ESR1: variants seen among roughly 807,000 people sequenced by gnomAD.
ESR1 encodes the protein estrogen receptor.
Under a neutral mutation model 52.7 loss-of-function variants are expected in ESR1, and 12 were observed. The ratio of observed to expected loss-of-function variants is 0.23; its 90% CI spans 0.15 to 0.37. The LOEUF (loss-of-function observed/expected upper bound fraction) is 0.37, where lower values mean the gene tolerates loss of function less well. ESR1 is among the 10% of genes least tolerant of loss of function. The pLI, the probability that ESR1 is intolerant of heterozygous loss-of-function variation, is 1.00. For missense variants in ESR1, 584 were observed against 779.7 expected (o/e 0.75, Z 2.99); for synonymous variants, 305 against 316.8 (o/e 0.96, Z 0.39).
At chr6:151,717,893 T>G (rs1167309116) in intron 2 of ESR1, among the ~76,000 whole-genome samples, 1 of 152,166 alleles carries the variant, frequency 6.6e-6, no homozygotes, top group Non-Finnish European at 1.5e-5. Context: ...AATACTAAAT[T>G]TATATGCTAT....
chr6:152,103,764 A>C (rs1041172637), downstream of ESR1, among the ~76,000 whole-genome samples: 2 of 152,140 alleles, frequency 1.3e-5, no homozygotes, highest in African/African-American at 2.4e-5. Flanking sequence ...CCTCTCCCTC[A>C]TTCTGAAGGT....
chr6:151,840,266 A>G (rs565435147), intron 1 of ESR1, among the ~76,000 whole-genome samples: 7 of 152,176 alleles, frequency 4.6e-5, no homozygotes, highest in Non-Finnish European at 8.8e-5. Flanking sequence ...TGAATCATGC[A>G]TAGGATATTA....
chr6:152,048,644 T>C (rs1304256271), intron 5 of ESR1, among the ~76,000 whole-genome samples: 2 of 152,152 alleles, frequency 1.3e-5, no homozygotes, highest in African/African-American at 4.8e-5. Flanking sequence ...GCCTCGAACA[T>C]AGGAGATTCC....
intron 4 of ESR1, among the ~76,000 whole-genome samples, chr6:151,998,240 G>T (rs1371613451): frequency 6.6e-6 from 1 of 152,046 alleles, no homozygotes; most frequent in Non-Finnish European, 1.5e-5. Flanking sequence ...GCAGTGGGGG[G>T]TATTAAATGG....
chr6:151,899,125 G>A (rs1485143151), intron 3 of ESR1, among the ~76,000 whole-genome samples: 5 of 142,352 alleles, frequency 3.5e-5, no homozygotes, highest in African/African-American at 1.3e-4. Context: ...CGGGCGGGGG[G>A]CTGACCCCCC....
At chr6:151,938,480 G>T (rs1000313822) in intron 3 of ESR1, among the ~76,000 whole-genome samples, 1 of 152,024 alleles carries the variant, frequency 6.6e-6, no homozygotes, top group African/African-American at 2.4e-5. Flanking sequence ...TTTATTTTAG[G>T]GCCAGGACAT....
rs568522394 is a variant in ESR1 at position 151,876,925 on chromosome 6, G to A, written c.644-3730G>A. On this transcript the variant is annotated intron_variant, in intron 2 of 7. Coordinates refer to ENST00000206249, the MANE Select transcript of ESR1 (RefSeq NM_000125.4). ...CCGGGCCTGCACAGAAGGACTTTTC[G>A]GGCCAGTCTGGTCACATACATCGAG... Among the ~76,000 whole-genome samples, 12 of 151,564 alleles carry A rather than the reference G, an allele frequency of 7.9e-5. No individual in the cohort carries two copies. The East Asian group carries it at 9.7e-4, about 12-fold the overall frequency.
intron 4 of ESR1, among the ~76,000 whole-genome samples, chr6:151,997,679 G>A (rs962522226): frequency 9.9e-5 from 15 of 152,158 alleles, no homozygotes; most frequent in African/African-American, 3.1e-4. Flanking sequence ...TTCCACTTTC[G>A]CCTCTTTCTT....
chr6:151,762,412 T>C (rs1037966988), intron 2 of ESR1, among the ~76,000 whole-genome samples: 2 of 152,158 alleles, frequency 1.3e-5, no homozygotes, highest in Non-Finnish European at 2.9e-5. Flanking sequence ...GCTGTTTGAT[T>C]ATTGGAGAGT....
chr6:151,796,270 A>C (rs1283441198), intron 2 of ESR1, among the ~76,000 whole-genome samples: 1 of 152,174 alleles, frequency 6.6e-6, no homozygotes, highest in Non-Finnish European at 1.5e-5. Context: ...ACAAAAAAAA[A>C]CACATGGCAC....
At chr6:151,667,670 G>A (rs1362569412) in intron 1 of ESR1, among the ~76,000 whole-genome samples, 1 of 152,226 alleles carries the variant, frequency 6.6e-6, no homozygotes, top group Non-Finnish European at 1.5e-5. Context: ...GGCTAGGAGA[G>A]TGCAATGGAT....
chr6:152,071,855 G>A (rs2048377039), intron 6 of ESR1, among the ~76,000 whole-genome samples: 1 of 151,896 alleles, frequency 6.6e-6, no homozygotes, highest in African/African-American at 2.4e-5. Flanking sequence ...ACTTTTCATT[G>A]TTACTTTGTA....
intron 2 of ESR1, among the ~76,000 whole-genome samples, chr6:151,787,961 A>C (rs1479517555): frequency 6.6e-6 from 1 of 152,170 alleles, no homozygotes; most frequent in Non-Finnish European, 1.5e-5. Flanking sequence ...AAACTAACTC[A>C]AGATGGATTA....
At chr6:151,992,034 A>T (rs1055514804) in intron 4 of ESR1, among the ~76,000 whole-genome samples, 2 of 152,126 alleles carry the variant, frequency 1.3e-5, no homozygotes, top group African/African-American at 4.8e-5. Context: ...AGGCTTCTGT[A>T]TTACTGCATC....
intron 1 of ESR1, among the ~76,000 whole-genome samples, chr6:151,810,468 C>T (rs1778636971): frequency 6.6e-6 from 1 of 151,944 alleles, no homozygotes; most frequent in African/African-American, 2.4e-5. Context: ...GTATTTTTCC[C>T]CTCTCAGTTT....
At chr6:151,860,405 A>C (rs1788656007) in intron 2 of ESR1, among the ~76,000 whole-genome samples, 1 of 152,132 alleles carries the variant, frequency 6.6e-6, no homozygotes, top group African/African-American at 2.4e-5. Flanking sequence ...CCCTTTGACC[A>C]ATACCTCTCT....
chr6:152,083,992 A>T (rs891876439), intron 6 of ESR1, among the ~76,000 whole-genome samples: 4 of 152,194 alleles, frequency 2.6e-5, no homozygotes, highest in Admixed American at 2.6e-4. Flanking sequence ...TTGCAGCACT[A>T]TTCACAATAC....
chr6:151,751,897 A>G (rs955966916), intron 2 of ESR1, among the ~76,000 whole-genome samples: 2 of 152,216 alleles, frequency 1.3e-5, no homozygotes, highest in African/African-American at 4.8e-5. Context: ...ACATATTCTA[A>G]CAGGAAGATA....
intron 2 of ESR1, among the ~76,000 whole-genome samples, chr6:151,738,299 A>G (rs939078184): frequency 2.0e-5 from 3 of 152,190 alleles, no homozygotes; most frequent in African/African-American, 2.4e-5. Context: ...GGCTTTGGCT[A>G]TTGTGAATAG....
Sources: allele counts gnomAD v4.1 joint callset (sites outside exome capture counted in the v4.1 genomes callset), GRCh38; gene constraint gnomAD v4.1.1; transcripts MANE v1.5; gene names NCBI Gene and HGNC (gene_info 2026-07-23, HGNC 2026-07-21).